Variants in CEP290 observed in about 807,000 individuals in gnomAD.
CEP290 encodes the protein centrosomal protein 290, also known as centrosomal protein of 290 kDa.
A neutral mutation model predicts 344.9 loss-of-function variants in CEP290; 317 were observed. The observed-to-expected ratio is 0.92, with a 90% confidence interval of 0.84 to 1.01. The LOEUF (loss-of-function observed/expected upper bound fraction) is 1.01. Among genes scored for constraint, CEP290 ranks in the 50% least tolerant of loss-of-function variants. The pLI is 0.00. For missense variants in CEP290, 2,754 were observed against 2,761.4 expected (o/e 1.00, Z 0.06); for synonymous variants, 932 against 895.8 (o/e 1.04, Z -0.72).
intron 6 of CEP290, among the ~76,000 whole-genome samples, chr12:88,134,006 G>T (rs552037344): frequency 1.1e-4 from 16 of 152,072 alleles, no homozygotes; most frequent in African/African-American, 3.6e-4. Flanking sequence ...TCTCAGAGAC[G>T]TGCCTTACAA....
intron 42 of CEP290, 66 bp downstream of exon 42, chr12:88,071,715 T>C (rs1177609621): frequency 8.2e-7 from 1 of 1,221,082 alleles, no homozygotes; most frequent in East Asian, 2.6e-5. Flanking sequence ...ATGATAAAGC[T>C]ATATAATTTC....
At chr12:88,074,295 A>G (rs1388515581) in intron 41 of CEP290, among the ~76,000 whole-genome samples, 3 of 152,216 alleles carry the variant, frequency 2.0e-5, no homozygotes, top group African/African-American at 7.2e-5. Flanking sequence ...AATATGTACA[A>G]GAATTTTTCT....
Position 88,054,393 on chromosome 12 carries a change from A to G in CEP290, c.6981T>C (p.Val2327=). The stretch of plus-strand genomic sequence containing the variant: ...CTTGCTCTGTCTCAGCACCTTCAGG[A>G]ACATGTTTAAGAATCTTAATCTTTG... ...LEQQIKILKH[V]PEGAETEQGL... Residue 2327 remains valine (V), a synonymous_variant, in exon 51 of 54, where the codon GTT becomes GTC. Transcript: ENST00000552810. 6.2e-7 allele frequency: 1 copy of G among 1,611,434 alleles called. No homozygotes were observed.
intron 32 of CEP290, among the ~76,000 whole-genome samples, chr12:88,087,097 G>C (rs1302716985): frequency 6.6e-6 from 1 of 152,070 alleles, no homozygotes; most frequent in Non-Finnish European, 1.5e-5. Context: ...TAAGCAGGGG[G>C]AACAATCTCT....
In CEP290 at chr12:88,140,420, C is replaced by T. The variant is rs187104351; in HGVS notation, c.180+536G>A. Among the ~76,000 whole-genome samples, 205 of 152,302 alleles carry T rather than the reference C, an allele frequency of 1.3e-3. 1 individual carries two copies. Among genetic ancestry groups the T allele is most frequent in the Middle Eastern group, 6.8e-3 (2 of 294 alleles). On this transcript the variant is annotated intron_variant, in intron 3 of 53. Transcript: ENST00000552810. ...CTTTAAGGCCCTCAACAACCTATCTCAAAGTACTTACCCAAGATTTGTTTT... is the reference window on the plus strand; with the variant it reads ...CTTTAAGGCCCTCAACAACCTATCTTAAAGTACTTACCCAAGATTTGTTTT...
intron 12 of CEP290, among the ~76,000 whole-genome samples, chr12:88,126,087 T>A (rs1377611649): frequency 6.6e-6 from 1 of 152,038 alleles, no homozygotes; most frequent in East Asian, 1.9e-4. Flanking sequence ...CACATAAACA[T>A]AGAAAAATAA....
rs2040702638 is a variant in CEP290, at chr12:88,141,924, G to A, written c.-52C>T. Reference sequence around the variant, plus strand: ...CCTAGACCAAGCCTGGCAACCAGCGGAGGCCTCTCACTACCGCAACCACCA... The same window carrying A: ...CCTAGACCAAGCCTGGCAACCAGCGAAGGCCTCTCACTACCGCAACCACCA... On this transcript the variant is annotated 5_prime_UTR_variant, in exon 1 of 54. Transcript: ENST00000552810. 2 of 152,558 alleles carry A rather than the reference G, an allele frequency of 1.3e-5. No homozygotes were observed. The highest frequency in any genetic ancestry group is 2.9e-5 in the Non-Finnish European group (2 of 68,372). 9.5% of individuals were successfully genotyped at this position (152,558 alleles called of 1,614,324 possible). A position where few individuals can be genotyped will look rare whatever the true frequency, so the allele number is the denominator to read the frequency against.
In CEP290 at chr12:88,107,219, C is replaced by T. The variant is rs560874569; in HGVS notation, c.2484-121G>A. On this transcript the variant is annotated intron_variant, in intron 23 of 53. Transcript: ENST00000552810. ...CAACACAAGAGGTATCATAGCTATT[C>T]AGTATCTGAAAACACAAGAAGTTAA... is the stretch of plus-strand genomic sequence containing the variant. 3 of 541,642 alleles carry T rather than the reference C, an allele frequency of 5.5e-6. No homozygotes were observed. In the African/African-American group the frequency reaches 6.0e-5, roughly 11 times the overall value. The allele number at this position is 541,642 out of a possible 1,614,324, so 33.6% of individuals were successfully genotyped here. A position where few individuals can be genotyped will look rare whatever the true frequency, so the allele number is the denominator to read the frequency against.
chr12:88,111,883 G>C (rs907782767), intron 20 of CEP290, 25 bp from the exon 21 acceptor site: 21 of 1,422,980 alleles, frequency 1.5e-5, no homozygotes, highest in Non-Finnish European at 2.0e-5. Flanking sequence ...TTATATATTA[G>C]AAATGTGGAG....
intron 7 of CEP290, 69 bp downstream of exon 7, chr12:88,131,096 T>G: frequency 8.3e-7 from 1 of 1,206,338 alleles, no homozygotes; most frequent in Non-Finnish European, 1.1e-6. Context: ...AATATAAATT[T>G]ATGTAAACTT....
At chr12:88,117,238 AT>A in intron 17 of CEP290, 93 bp from the exon 18 acceptor site, 1 of 627,238 alleles carries the variant, frequency 1.6e-6, no homozygotes, top group South Asian at 2.4e-5. Context: ...TCAAGTTTTA[AT>A]GCAAAGGTAG....
Position 88,120,904 on chromosome 12 carries a change from T to C in CEP290, c.1359+93A>G, listed in dbSNP as rs569406752. 16 of 1,005,164 alleles carry C rather than the reference T, an allele frequency of 1.6e-5. No individual in the cohort carries two copies. The South Asian group carries it at 2.1e-4, about 13-fold the overall frequency. The allele number at this position is 1,005,164 out of a possible 1,614,324, so 62.3% of individuals were successfully genotyped here. A position where few individuals can be genotyped will look rare whatever the true frequency, so the allele number is the denominator to read the frequency against. On this transcript the variant is annotated intron_variant, in intron 14 of 53. Coordinates refer to ENST00000552810, the MANE Select transcript of CEP290 (RefSeq NM_025114.4). ...TTTATCAAAAGATACTTATGGAATG[T>C]TTTTTAAATGGTATGCAGTAAATAG...
chr12:88,060,117 A>C, intron 47 of CEP290, 97 bp from the exon 48 acceptor site: 1 of 1,088,574 alleles, frequency 9.2e-7, no homozygotes, highest in Non-Finnish European at 1.3e-6. Flanking sequence ...GTAGTTTTAG[A>C]AACCATATTT....
At chr12:88,120,477 C>T (rs2039335510) in intron 14 of CEP290, among the ~76,000 whole-genome samples, 1 of 152,002 alleles carries the variant, frequency 6.6e-6, no homozygotes. Context: ...TAAAACTTTC[C>T]AGTATAATAT....
chr12:88,061,795 A>T (rs898017477), intron 46 of CEP290, among the ~76,000 whole-genome samples: 13 of 150,118 alleles, frequency 8.7e-5, no homozygotes, highest in African/African-American at 3.2e-4. Context: ...TTTTTGTTTT[A>T]AAAGATGGAG....
rs578102894 is a variant in CEP290 at position 88,107,732 on chromosome 12, T to C, written c.2484-634A>G. Among the ~76,000 whole-genome samples, 134 of 151,856 alleles carry C rather than the reference T, an allele frequency of 8.8e-4. 1 individual carries two copies. The highest frequency in any genetic ancestry group is 1.7e-3 in the Non-Finnish European group (116 of 67,958). On this transcript the variant is annotated intron_variant, in intron 23 of 53. Coordinates refer to ENST00000552810, the MANE Select transcript of CEP290 (RefSeq NM_025114.4). ...GCGTGGACAATATGGCAAAACTCCG[T>C]CTTTACCAAAAATACAAAAATTAGC...
chr12:88,077,264 CT>C lies in CEP290; in HGVS notation c.5666del (p.Glu1889GlyfsTer7). ...RKVKKLENQL[E>X]GKVEEVDLKP... ...TTAGGTCTACTTCCTCCACCTTTCCCTCTAATTGGTTCTCTAGTTTTTTAAC... is the reference window on the plus strand; with the variant it reads ...TTAGGTCTACTTCCTCCACCTTTCCCCTAATTGGTTCTCTAGTTTTTTAAC... On this transcript the variant is annotated frameshift_variant, in exon 41 of 54. Transcript: ENST00000552810. LOFTEE classifies it high-confidence loss of function. 1 of 1,605,564 alleles carries C rather than the reference CT, an allele frequency of 6.2e-7. No homozygotes were observed. Among genetic ancestry groups the C allele is most frequent in the Middle Eastern group, 1.7e-4 (1 of 6,040 alleles).
At chr12:88,116,112 T>C (rs2039020737) in intron 18 of CEP290, 1 of 970,426 alleles carries the variant, frequency 1.0e-6, no homozygotes, top group Non-Finnish European at 1.2e-6. Flanking sequence ...TGATAAGCCA[T>C]GAAAAGATGA....
In CEP290 at chr12:88,084,844, T is replaced by C. The variant is rs1424714355; in HGVS notation, c.4446A>G (p.Lys1482=). The C allele has an allele frequency of 6.5e-7, 1 of 1,547,278 alleles. No individual in the cohort carries two copies. Among genetic ancestry groups the C allele is most frequent in the Non-Finnish European group, 8.7e-7 (1 of 1,149,912 alleles). Residue 1482 remains lysine, a synonymous_variant, in exon 35 of 54, where the codon AAA becomes AAG. Coordinates refer to ENST00000552810, the MANE Select transcript of CEP290 (RefSeq NM_025114.4). ...CTAACCTTAAAGCAGATTCTTTCTC[T>C]TTTAGTTTCTGCAATGATTAAATTA... ...ATCKSLEEKL[K]EKESALRLAE...
Sources: gnomAD v4.1 joint callset for allele counts (sites outside exome capture counted in the v4.1 genomes callset) on GRCh38, gnomAD v4.1.1 for gene constraint, MANE v1.5 for transcripts, NCBI Gene and HGNC (gene_info 2026-07-23, HGNC 2026-07-21) for gene names.